SEMA5A: variants seen among roughly 807,000 people sequenced by gnomAD.
SEMA5A encodes the protein semaphorin-5A.
In SEMA5A, 55 loss-of-function variants were observed where a neutral mutation model predicts 135.5. That is an observed-to-expected ratio of 0.41 (90% CI 0.33 to 0.51). SEMA5A has a LOEUF of 0.51. Among genes scored for constraint, SEMA5A ranks in the 20% least tolerant of loss-of-function variants. The pLI is 0.37. For missense variants in SEMA5A, 1,290 were observed against 1,419.9 expected (o/e 0.91, Z 1.47); for synonymous variants, 580 against 546.5 (o/e 1.06, Z -0.85).
chr5:9,465,734 C>T (rs985122088), intron 1 of SEMA5A, among the ~76,000 whole-genome samples: 1 of 152,220 alleles, frequency 6.6e-6, no homozygotes, highest in Non-Finnish European at 1.5e-5. Context: ...GTTCTTGGAA[C>T]CAATCCCCCA....
At position 9,166,255 on chromosome 5, in the gene SEMA5A, G is replaced by A. The variant is rs1254796667; in HGVS notation, c.1274-11560C>T. Among the ~76,000 whole-genome samples, 9 of 152,056 alleles carry A rather than the reference G, an allele frequency of 5.9e-5. No individual in the cohort carries two copies. In the East Asian group the frequency reaches 1.7e-3, roughly 29 times the overall value. On this transcript the variant is annotated intron_variant, in intron 11 of 22. Transcript: ENST00000382496. ...CTGTTGGTTTCCAGAACAAAGCCTG[G>A]CACATAGTAGGTGCTCAAGCAGAGA...
intron 3 of SEMA5A, among the ~76,000 whole-genome samples, chr5:9,355,367 G>T (rs1250780935): frequency 6.6e-6 from 1 of 152,168 alleles, no homozygotes; most frequent in Non-Finnish European, 1.5e-5. Context: ...GATGGAGAAT[G>T]CAGGAAATGG....
chr5:9,154,535 G>C lies in SEMA5A; in HGVS notation c.1434C>G (p.His478Gln). ...QSVLFVGLRE[H>Q]VVKIPLKRCQ... ...ACCTCTTCAGGGGGATCTTGACCAC[G>C]TGCTCCCGCAGGCCCACGAACAGGA... The change falls in exon 12 of 23, where the codon CAC (histidine) becomes CAG (glutamine). Residue 478 changes from histidine (H) to glutamine (Q), a missense_variant. Around this residue, in one of 3 missense-constraint regions of SEMA5A, gnomAD observed 1,029 missense variants for 1,086.6 expected, o/e 0.95. Transcript: ENST00000382496. 1.2e-6 allele frequency: 2 copies of C among 1,612,616 alleles called. No homozygotes were observed. Among genetic ancestry groups the C allele is most frequent in the Non-Finnish European group, 1.7e-6 (2 of 1,180,000 alleles).
At position 9,532,269 on chromosome 5, in the gene SEMA5A, C is replaced by CTT. The variant is rs4002530; in HGVS notation, c.-175+13313_-175+13314dup. On this transcript the variant is annotated intron_variant, in intron 1 of 22. Coordinates refer to ENST00000382496, the MANE Select transcript of SEMA5A (RefSeq NM_003966.3). ...TTGGGGAAAAACAGTAATCAATGAA[C>CTT]TTTTTTTTTTTTTTGAGACAGAGTC... Among the ~76,000 whole-genome samples the CTT allele has an allele frequency of 3.7e-3, 537 of 146,368 alleles. 5 individuals carry two copies. Among genetic ancestry groups the CTT allele is most frequent in the South Asian group, 0.027 (125 of 4,620 alleles).
rs770478417 is a variant in SEMA5A at position 9,044,578 on chromosome 5, T to C, written c.2900A>G (p.Asn967Ser). 14 of 1,613,770 alleles carry C rather than the reference T, an allele frequency of 8.7e-6. No homozygotes were observed. The highest frequency in any genetic ancestry group is 1.7e-4 in the Middle Eastern group (1 of 5,994). The part of the protein sequence containing the change: ...SVEEKRCGEF[N>S]MFHMIAVGLS... ...CCCCACGGCGATCATGTGGAACATG[T>C]TGAACTCTAGGGAGACATGAGCAAA... is the stretch of plus-strand genomic sequence containing the variant. The change falls in exon 22 of 23, where the codon AAC (asparagine) becomes AGC (serine). Residue 967 changes from asparagine to serine, a missense_variant. Asn to Ser is a conservative substitution (Grantham distance 46). Around this residue, in one of 3 missense-constraint regions of SEMA5A, gnomAD observed 1,029 missense variants for 1,086.6 expected, o/e 0.95. Transcript: ENST00000382496.
At chr5:9,130,878 T>TG (rs1298686221) in intron 13 of SEMA5A, among the ~76,000 whole-genome samples, 1 of 152,210 alleles carries the variant, frequency 6.6e-6, no homozygotes, top group Non-Finnish European at 1.5e-5. Flanking sequence ...ATTTAAATCC[T>TG]GGTTTCTTTC....
intron 16 of SEMA5A, among the ~76,000 whole-genome samples, chr5:9,103,890 C>T (rs962198208): frequency 1.3e-5 from 2 of 152,130 alleles, no homozygotes; most frequent in Admixed American, 6.6e-5. Context: ...TTCCTATGCT[C>T]ATGATGATCT....
chr5:9,524,054 G>A (rs976177860), intron 1 of SEMA5A, among the ~76,000 whole-genome samples: 1 of 152,164 alleles, frequency 6.6e-6, no homozygotes, highest in African/African-American at 2.4e-5. Flanking sequence ...ATCATGGGGT[G>A]GTTTCTAATG....
intron 2 of SEMA5A, among the ~76,000 whole-genome samples, chr5:9,431,935 G>T (rs1487275776): frequency 6.6e-6 from 1 of 152,130 alleles, no homozygotes; most frequent in Non-Finnish European, 1.5e-5. Flanking sequence ...AATATTTATA[G>T]TAGCCATAAA....
Position 9,035,603 on chromosome 5 carries a change from C to G in SEMA5A, c.*7294G>C, listed in dbSNP as rs1251913095. On this transcript the variant is annotated 3_prime_UTR_variant, in exon 23 of 23. Transcript: ENST00000382496. ...ACAGACCTAGACAGCTCTCAGGAAG[C>G]ATTTACAACCAGTGAATTGATGGAC... The G allele has an allele frequency of 6.6e-6, 1 of 152,178 alleles. No homozygotes were observed. The highest frequency in any genetic ancestry group is 2.4e-5 in the African/African-American group (1 of 41,452). 9.4% of individuals were successfully genotyped at this position (152,178 alleles called of 1,614,324 possible).
intron 11 of SEMA5A, among the ~76,000 whole-genome samples, chr5:9,173,400 A>G (rs2150311754): frequency 6.6e-6 from 1 of 151,584 alleles, no homozygotes; most frequent in East Asian, 2.0e-4. Context: ...AATACCATAG[A>G]CTGGGGGGGT....
Position 9,037,823 on chromosome 5 carries a change from A to G in SEMA5A, c.*5074T>C, listed in dbSNP as rs1735733962. 6.6e-6 allele frequency: 1 copy of G among 152,208 alleles called. No individual in the cohort carries two copies. Among genetic ancestry groups the G allele is most frequent in the Admixed American group, 6.5e-5 (1 of 15,286 alleles). 9.4% of individuals were successfully genotyped at this position (152,208 alleles called of 1,614,324 possible). ...AGTTTAAAAAAAAATCTTTAAATCC[A>G]TTATAATTAATGACCTCAATAGGGC... On this transcript the variant is annotated 3_prime_UTR_variant, in exon 23 of 23. Transcript: ENST00000382496.
chr5:9,341,569 C>G, intron 3 of SEMA5A, among the ~76,000 whole-genome samples: 1 of 150,794 alleles, frequency 6.6e-6, no homozygotes, highest in Non-Finnish European at 1.5e-5. Context: ...TTACCTTTTT[C>G]CTCCTATCCC....
At chr5:9,075,573 G>C (rs1400998750) in intron 16 of SEMA5A, among the ~76,000 whole-genome samples, 2 of 148,752 alleles carry the variant, frequency 1.3e-5, no homozygotes, top group African/African-American at 4.9e-5. Flanking sequence ...AAAAAGGTGT[G>C]ACACTGTAGA....
intron 13 of SEMA5A, among the ~76,000 whole-genome samples, chr5:9,133,252 C>T (rs185227858): frequency 9.8e-5 from 15 of 152,290 alleles, no homozygotes; most frequent in Admixed American, 6.5e-4. Flanking sequence ...AAATCATTTA[C>T]ATCTAGGTCA....
intron 2 of SEMA5A, among the ~76,000 whole-genome samples, chr5:9,437,038 A>G (rs1486425630): frequency 3.3e-5 from 5 of 152,198 alleles, no homozygotes; most frequent in Non-Finnish European, 7.3e-5. Flanking sequence ...CCCTGAGAGT[A>G]TCATGAGAGG....
At chr5:9,150,452 CTCTA>C (rs1172032414) in intron 12 of SEMA5A, among the ~76,000 whole-genome samples, 13 of 152,266 alleles carry the variant, frequency 8.5e-5, no homozygotes, top group East Asian at 7.7e-4. Flanking sequence ...GATTTTCTCA[CTCTA>C]TCTATTAAAT....
chr5:9,254,473 G>A (rs1248937691), intron 5 of SEMA5A, among the ~76,000 whole-genome samples: 2 of 152,148 alleles, frequency 1.3e-5, no homozygotes, highest in Non-Finnish European at 2.9e-5. Context: ...AAGTCTGTGA[G>A]AAGTGGAAAA....
At chr5:9,462,864 T>C (rs187010139) in intron 1 of SEMA5A, among the ~76,000 whole-genome samples, 64 of 150,848 alleles carry the variant, frequency 4.2e-4, no homozygotes, top group Non-Finnish European at 7.2e-4. Context: ...TCTGAAAAAA[T>C]AACTAAGGAG....
Sources: allele counts gnomAD v4.1 joint callset (sites outside exome capture counted in the v4.1 genomes callset), GRCh38; gene constraint gnomAD v4.1.1; regional missense constraint gnomAD v4.1.1; transcripts MANE v1.5; gene names NCBI Gene and HGNC (gene_info 2026-07-23, HGNC 2026-07-21).